GLRA3: variants seen among roughly 807,000 people sequenced by gnomAD.
The protein encoded by GLRA3 is glycine receptor subunit alpha-3.
Under a neutral mutation model 60.4 loss-of-function variants are expected in GLRA3, and 44 were observed. That is an observed-to-expected ratio of 0.73 (90% CI 0.57 to 0.94). The LOEUF is 0.94. GLRA3 is among the 40% of genes least tolerant of loss of function. GLRA3 has a pLI of 0.00. For synonymous variants in GLRA3, 223 were observed against 192.9 expected (o/e 1.16, Z -1.29); for missense variants, 508 against 564.6 (o/e 0.90, Z 1.02).
chr4:174,785,071 G>T (rs1739068512), intron 2 of GLRA3, among the ~76,000 whole-genome samples: 1 of 151,998 alleles, frequency 6.6e-6, no homozygotes, highest in South Asian at 2.1e-4. Flanking sequence ...AATTTAAATT[G>T]CTTTAAGAGA....
At chr4:174,713,745 G>A (rs2200459) in intron 5 of GLRA3, 21,297 of 152,092 alleles carry the variant, frequency 0.14, 1,955 homozygotes, top group South Asian at 0.21. Flanking sequence ...TTTCTTAAGC[G>A]TCTGTTCTTG....
At chr4:174,737,365 T>C (rs1044220052) in intron 3 of GLRA3, among the ~76,000 whole-genome samples, 1 of 152,342 alleles carries the variant, frequency 6.6e-6, no homozygotes, top group Non-Finnish European at 1.5e-5. Flanking sequence ...AAAGATATGG[T>C]TTAGTAAATA....
At chr4:174,780,741 A>T (rs1738834772) in intron 2 of GLRA3, among the ~76,000 whole-genome samples, 1 of 151,764 alleles carries the variant, frequency 6.6e-6, no homozygotes, top group Admixed American at 6.6e-5. Flanking sequence ...TGGTAAAGGG[A>T]TCAATTCAAC....
At chr4:174,728,965 A>G (rs9312559) in intron 3 of GLRA3, among the ~76,000 whole-genome samples, 87,110 of 151,978 alleles carry the variant, frequency 0.57, 25,939 homozygotes, top group South Asian at 0.7. Context: ...TGGATCTTAT[A>G]TACTGTTCTT....
At chr4:174,729,484 A>G (rs566588655) in intron 3 of GLRA3, among the ~76,000 whole-genome samples, 6 of 152,358 alleles carry the variant, frequency 3.9e-5, no homozygotes, top group Non-Finnish European at 8.8e-5. Flanking sequence ...ATAATACTTC[A>G]AGAAGATTTG....
intron 1 of GLRA3, among the ~76,000 whole-genome samples, chr4:174,808,122 G>A (rs1267516379): frequency 6.6e-6 from 1 of 152,030 alleles, no homozygotes; most frequent in African/African-American, 2.4e-5. Flanking sequence ...TTGAGAGTGG[G>A]AGGAAGAAAA....
In GLRA3 at chr4:174,747,709, T is replaced by C. The variant is rs542693739; in HGVS notation, c.268-19011A>G. ...AGGCAGGAAGAAATAGGTCCTCAAT[T>C]TTCTGGCTGACTCAATGAGATAGCA... On this transcript the variant is annotated intron_variant, in intron 3 of 9. Coordinates refer to ENST00000274093, the MANE Select transcript of GLRA3 (RefSeq NM_006529.4). Among the ~76,000 whole-genome samples, 3 of 152,230 alleles carry C rather than the reference T, an allele frequency of 2.0e-5. No individual in the cohort carries two copies. The Middle Eastern group carries it at 0.01, about 518-fold the overall frequency.
At chr4:174,817,846 A>G (rs1295727510) in intron 1 of GLRA3, among the ~76,000 whole-genome samples, 4 of 152,108 alleles carry the variant, frequency 2.6e-5, no homozygotes, top group African/African-American at 9.7e-5. Context: ...ACCTCTAATG[A>G]TCCACCCACC....
chr4:174,790,753 G>A (rs1739303697), intron 1 of GLRA3, among the ~76,000 whole-genome samples: 1 of 150,602 alleles, frequency 6.6e-6, no homozygotes, highest in South Asian at 2.1e-4. Flanking sequence ...GGCCGAAGCG[G>A]GTGGATCACG....
At chr4:174,665,815 G>A (rs1490802283) in intron 7 of GLRA3, among the ~76,000 whole-genome samples, 3 of 152,080 alleles carry the variant, frequency 2.0e-5, no homozygotes, top group Admixed American at 6.6e-5. Context: ...AAGGCTCTCA[G>A]TTGGGTTGAC....
At chr4:174,661,057 C>A (rs1180703272) in intron 7 of GLRA3, among the ~76,000 whole-genome samples, 1 of 152,168 alleles carries the variant, frequency 6.6e-6, no homozygotes, top group East Asian at 1.9e-4. Context: ...AGGAACTCTT[C>A]TGTAGTGAAG....
chr4:174,783,460 T>C (rs1738981252), intron 2 of GLRA3, among the ~76,000 whole-genome samples: 1 of 134,518 alleles, frequency 7.4e-6, no homozygotes, highest in Non-Finnish European at 1.6e-5. Context: ...AAAGCCAAAA[T>C]TGACAAATGG....
chr4:174,778,462 G>C (rs567702634), intron 2 of GLRA3, among the ~76,000 whole-genome samples: 2 of 152,118 alleles, frequency 1.3e-5, no homozygotes, highest in African/African-American at 4.8e-5. Context: ...AAAAAACACA[G>C]GGGGGATGAG....
intron 6 of GLRA3, among the ~76,000 whole-genome samples, chr4:174,679,102 C>A (rs570988069): frequency 2.0e-5 from 3 of 151,910 alleles, no homozygotes; most frequent in Non-Finnish European, 4.4e-5. Context: ...GAGGCCGAGG[C>A]GGGAGAATCA....
intron 1 of GLRA3, among the ~76,000 whole-genome samples, chr4:174,826,213 T>C (rs1740960695): frequency 1.3e-5 from 2 of 152,174 alleles, no homozygotes; most frequent in Non-Finnish European, 2.9e-5. Flanking sequence ...TAAGTTAATT[T>C]TGATGTATTC....
chr4:174,690,583 C>T (rs983454798), intron 5 of GLRA3, among the ~76,000 whole-genome samples: 1 of 152,056 alleles, frequency 6.6e-6, no homozygotes, highest in Non-Finnish European at 1.5e-5. Flanking sequence ...CAGGGCTTTG[C>T]TGTACATATT....
chr4:174,721,217 C>T lies in GLRA3; in HGVS notation c.492-5647G>A, dbSNP rs148951081. On this transcript the variant is annotated intron_variant, in intron 4 of 9. Coordinates refer to ENST00000274093, the MANE Select transcript of GLRA3 (RefSeq NM_006529.4). ...CTAATTTTTGTATTTTTAGTAGAGA[C>T]GGGGTTTCACCGTGTTGGCTAGGAT... Among the ~76,000 whole-genome samples, 1,088 of 152,044 alleles carry T rather than the reference C, an allele frequency of 7.2e-3. 12 individuals are homozygous for T. The highest frequency in any genetic ancestry group is 0.025 in the African/African-American group (1,040 of 41,482).
chr4:174,683,549 C>A (rs981250757), intron 5 of GLRA3, among the ~76,000 whole-genome samples: 1 of 150,416 alleles, frequency 6.6e-6, no homozygotes, highest in Non-Finnish European at 1.5e-5. Flanking sequence ...CGGGGTTTTA[C>A]CATATTGGCC....
At chr4:174,808,946 C>A (rs1211729160) in intron 1 of GLRA3, among the ~76,000 whole-genome samples, 1 of 151,836 alleles carries the variant, frequency 6.6e-6, no homozygotes, top group East Asian at 1.9e-4. Context: ...TAAGAGTTAC[C>A]GTAAGAAAGA....
Sources: allele counts gnomAD v4.1 joint callset (sites outside exome capture counted in the v4.1 genomes callset), GRCh38; gene constraint gnomAD v4.1.1; transcripts MANE v1.5; gene names NCBI Gene and HGNC (gene_info 2026-07-23, HGNC 2026-07-21).